COBLL1: variants seen among roughly 807,000 people sequenced by gnomAD.
COBLL1 encodes the protein cordon-bleu protein-like 1.
In COBLL1, 50 loss-of-function variants were observed where a neutral mutation model predicts 94.8. The observed-to-expected ratio is 0.53, with a 90% CI of 0.42 to 0.67. The LOEUF (loss-of-function observed/expected upper bound fraction) is 0.67. Ranked by LOEUF, COBLL1 falls within the 30% of genes least tolerant of loss-of-function variation. The pLI, the probability that COBLL1 is intolerant of heterozygous loss-of-function variation, is 0.00. For synonymous variants in COBLL1, 448 were observed against 473.8 expected, an observed-to-expected ratio of 0.95 and a Z score of 0.71; for missense variants, 1,362 against 1,348.7, an observed-to-expected ratio of 1.01 and a Z score of -0.15.
At chr2:164,659,042 A>G (rs940517116) in intron 2 of COBLL1, among the ~76,000 whole-genome samples, 1 of 152,052 alleles carries the variant, frequency 6.6e-6, no homozygotes, top group East Asian at 1.9e-4. Context: ...TGGCTTCCTG[A>G]TGTTTGATAG....
chr2:164,744,785 A>T (rs1686783677), intron 2 of COBLL1, among the ~76,000 whole-genome samples: 1 of 152,212 alleles, frequency 6.6e-6, no homozygotes. Context: ...TGCTTCAATG[A>T]AAAACATTAC....
intron 3 of COBLL1, among the ~76,000 whole-genome samples, chr2:164,736,079 C>G (rs1257318635): frequency 6.6e-6 from 1 of 152,052 alleles, no homozygotes; most frequent in African/African-American, 2.4e-5. Context: ...TCTAAAAGCT[C>G]TTCTTTGAAA....
chr2:164,721,900 G>T, intron 7 of COBLL1, 175 bp downstream of exon 7: 1 of 461,256 alleles, frequency 2.2e-6, no homozygotes, highest in South Asian at 4.4e-5. Flanking sequence ...TCTATTCCTA[G>T]TACCAATCTT....
upstream of COBLL1, chr2:164,842,076 G>C: frequency 6.8e-7 from 1 of 1,463,406 alleles, no homozygotes; most frequent in South Asian, 1.2e-5. Context: ...CCGGAGAGAG[G>C]AACGGGGCGG....
intron 7 of COBLL1, 184 bp downstream of exon 7, chr2:164,721,891 C>A (rs548059912): frequency 9.6e-5 from 42 of 437,020 alleles, no homozygotes; most frequent in African/African-American, 6.8e-4. Flanking sequence ...CATAGAAGAT[C>A]TATTCCTAGT....
intron 2 of COBLL1, among the ~76,000 whole-genome samples, chr2:164,791,874 C>CTT (rs76229485): frequency 6.3e-5 from 9 of 142,324 alleles, no homozygotes; most frequent in South Asian, 2.2e-4. Flanking sequence ...GTTTTTGTTG[C>CTT]TTTTTTTTTT....
Position 164,695,091 on chromosome 2 carries a change from CTTT to C in COBLL1, c.2298_2300del (p.Lys767del). ...TTTCTTTCACATTCTCATGAGTGTG[CTTT>C]TTCCCTAAAGCATGCATGTCCTGAT... is the stretch of plus-strand genomic sequence containing the variant. On this transcript the variant is annotated inframe_deletion, in exon 12 of 14. Transcript: ENST00000652658. 2.5e-6 allele frequency: 4 copies of C among 1,613,826 alleles called. No homozygotes were observed. The highest frequency in any genetic ancestry group is 3.4e-6 in the Non-Finnish European group (4 of 1,179,920).
intron 2 of COBLL1, among the ~76,000 whole-genome samples, chr2:164,811,629 C>CT (rs1335189249): frequency 6.6e-6 from 1 of 151,756 alleles, no homozygotes; most frequent in East Asian, 1.9e-4. Flanking sequence ...AAATGGTATT[C>CT]TGACTTCCAG....
intron 2 of COBLL1, among the ~76,000 whole-genome samples, chr2:164,787,368 G>A (rs1455544587): frequency 2.0e-5 from 3 of 152,126 alleles, no homozygotes; most frequent in African/African-American, 7.2e-5. Flanking sequence ...ATGGCATGGT[G>A]ACTGATACAA....
intron 2 of COBLL1, among the ~76,000 whole-genome samples, chr2:164,755,593 G>A (rs1443573452): frequency 2.6e-5 from 4 of 152,098 alleles, no homozygotes; most frequent in Non-Finnish European, 5.9e-5. Flanking sequence ...TTGAGAATAA[G>A]GTTAGCATGA....
downstream of COBLL1, among the ~76,000 whole-genome samples, chr2:164,677,010 C>T (rs1313537246): frequency 6.6e-6 from 1 of 152,104 alleles, no homozygotes; most frequent in Non-Finnish European, 1.5e-5. Context: ...GTGTCCCTTG[C>T]CTAACCTAAT....
Position 164,699,510 on chromosome 2 carries a change from C to A in COBLL1, c.1461-11G>T, listed in dbSNP as rs145983847. The A allele has an allele frequency of 3.3e-6, 5 of 1,515,900 alleles. No individual in the cohort carries two copies. In the African/African-American group the frequency reaches 6.9e-5, roughly 21 times the overall value. The allele number at this position is 1,515,900 out of a possible 1,614,324, so 93.9% of individuals were successfully genotyped here. ...ACACTGTGTGGTTCTCTGGAAGATA[C>A]GACATTGTATGTTATATGTTGATAC... On this transcript the variant is annotated splice_polypyrimidine_tract_variant and intron_variant, in intron 10 of 13. Coordinates refer to ENST00000652658, the MANE Select transcript of COBLL1 (RefSeq NM_001365672.2).
At chr2:164,814,138 T>A (rs1684594176) in intron 2 of COBLL1, among the ~76,000 whole-genome samples, 2 of 152,160 alleles carry the variant, frequency 1.3e-5, no homozygotes, top group African/African-American at 4.8e-5. Context: ...ATCAGAGTAG[T>A]AAGGTAGCAA....
chr2:164,769,937 C>T (rs1688128154), intron 2 of COBLL1, among the ~76,000 whole-genome samples: 1 of 152,156 alleles, frequency 6.6e-6, no homozygotes, highest in African/African-American at 2.4e-5. Flanking sequence ...ACCTTGTTCT[C>T]CCTTTCTCTT....
intron 2 of COBLL1, among the ~76,000 whole-genome samples, chr2:164,805,307 C>G (rs1157515623): frequency 0.04 from 1,274 of 31,664 alleles, 132 homozygotes; most frequent in Middle Eastern, 0.074. Flanking sequence ...CTCTCTCTCT[C>G]TCTCTCTCTC....
chr2:164,776,785 T>C (rs1239849984), intron 2 of COBLL1, among the ~76,000 whole-genome samples: 1 of 152,128 alleles, frequency 6.6e-6, no homozygotes, highest in Non-Finnish European at 1.5e-5. Context: ...CACTTAACTA[T>C]TTATATAAAT....
chr2:164,812,098 T>C (rs1684489785), intron 2 of COBLL1, among the ~76,000 whole-genome samples: 1 of 151,940 alleles, frequency 6.6e-6, no homozygotes, highest in Admixed American at 6.6e-5. Context: ...ACATCACAAC[T>C]AGCTGAAGAT....
intron 2 of COBLL1, among the ~76,000 whole-genome samples, chr2:164,805,335 CTCTATATATA>C (rs1394640188): frequency 1.0e-4 from 2 of 19,840 alleles, no homozygotes; most frequent in African/African-American, 1.9e-4. Context: ...CTCTCTCTCT[CTCTATATATA>C]TATATATATA....
At chr2:164,773,094 A>G (rs1371994450) in intron 2 of COBLL1, among the ~76,000 whole-genome samples, 1 of 92,166 alleles carries the variant, frequency 1.1e-5, no homozygotes, top group Non-Finnish European at 2.3e-5. Context: ...TTGTTAATAC[A>G]GAGAGGTCCA....
Sources: gnomAD v4.1 joint callset for allele counts (sites outside exome capture counted in the v4.1 genomes callset) on GRCh38, gnomAD v4.1.1 for gene constraint, MANE v1.5 for transcripts, NCBI Gene and HGNC (gene_info 2026-07-23, HGNC 2026-07-21) for gene names.